GPC6: variants seen among roughly 807,000 people sequenced by gnomAD.
The protein encoded by GPC6 is glypican 6.
Under a neutral mutation model 55.2 loss-of-function variants are expected in GPC6, and 14 were observed. That is an observed-to-expected ratio of 0.25 (90% CI 0.17 to 0.40). GPC6 has a LOEUF of 0.40. GPC6 is among the 10% of genes least tolerant of loss of function. The pLI, the probability that GPC6 is intolerant of heterozygous loss-of-function variation, is 1.00. For synonymous variants in GPC6, 278 were observed against 259.6 expected (o/e 1.07, Z -0.68); for missense variants, 641 against 708.5 (o/e 0.90, Z 1.08).
intron 2 of GPC6, among the ~76,000 whole-genome samples, chr13:93,774,766 G>A (rs929081208): frequency 6.8e-4 from 104 of 152,288 alleles, no homozygotes; most frequent in African/African-American, 2.4e-3. Flanking sequence ...GAAAAAGACA[G>A]GGAAAGTATC....
intron 4 of GPC6, among the ~76,000 whole-genome samples, chr13:94,156,611 CT>C (rs1318469205): frequency 6.6e-6 from 1 of 152,130 alleles, no homozygotes; most frequent in African/African-American, 2.4e-5. Context: ...GCAAAGTCTT[CT>C]ATGAATACTT....
At chr13:93,578,754 G>T (rs1876795370) in intron 2 of GPC6, among the ~76,000 whole-genome samples, 1 of 150,208 alleles carries the variant, frequency 6.7e-6, no homozygotes, top group Non-Finnish European at 1.5e-5. Context: ...TGCTTTAATG[G>T]GTTCCTTGAG....
intron 4 of GPC6, among the ~76,000 whole-genome samples, chr13:94,162,449 T>C (rs980921422): frequency 6.6e-6 from 1 of 152,208 alleles, no homozygotes; most frequent in Non-Finnish European, 1.5e-5. Flanking sequence ...CATCTTTCTG[T>C]CTCAGAATGG....
At chr13:94,110,364 G>A (rs1041617354) in intron 4 of GPC6, among the ~76,000 whole-genome samples, 3 of 152,090 alleles carry the variant, frequency 2.0e-5, no homozygotes, top group African/African-American at 7.2e-5. Flanking sequence ...TTCCTAAACA[G>A]GGGACTAATA....
At chr13:94,039,271 C>T (rs747904210) in intron 4 of GPC6, among the ~76,000 whole-genome samples, 3 of 151,722 alleles carry the variant, frequency 2.0e-5, no homozygotes, top group African/African-American at 4.8e-5. Flanking sequence ...GTTTTTTTAT[C>T]CAGGGAATGT....
At chr13:93,857,243 T>C (rs537963633) in intron 3 of GPC6, among the ~76,000 whole-genome samples, 1 of 151,676 alleles carries the variant, frequency 6.6e-6, no homozygotes, top group South Asian at 2.1e-4. Flanking sequence ...AAAGAAAGTT[T>C]TCATGTAGAA....
intron 3 of GPC6, among the ~76,000 whole-genome samples, chr13:93,839,679 G>A (rs1048352090): frequency 1.3e-5 from 2 of 152,108 alleles, no homozygotes; most frequent in Non-Finnish European, 2.9e-5. Flanking sequence ...AAAGTTTGGA[G>A]GATTTCTCTT....
intron 1 of GPC6, among the ~76,000 whole-genome samples, chr13:93,393,117 TA>T (rs1371278740): frequency 2.6e-5 from 2 of 76,120 alleles, no homozygotes; most frequent in Admixed American, 2.7e-4. Flanking sequence ...GATATATATA[TA>T]TATATATATA....
At chr13:93,728,373 C>T (rs1201328553) in intron 2 of GPC6, among the ~76,000 whole-genome samples, 2 of 150,616 alleles carry the variant, frequency 1.3e-5, no homozygotes, top group Non-Finnish European at 3.0e-5. Flanking sequence ...TACCACCACG[C>T]CTGGCTAAAT....
chr13:94,344,480 G>C (rs1331242069), intron 6 of GPC6, among the ~76,000 whole-genome samples: 7 of 152,162 alleles, frequency 4.6e-5, no homozygotes, highest in Non-Finnish European at 5.9e-5. Context: ...TCTTTCCCCA[G>C]AATCTGGAAA....
intron 4 of GPC6, among the ~76,000 whole-genome samples, chr13:94,206,433 C>T (rs9589930): frequency 0.011 from 1,729 of 152,148 alleles, 32 homozygotes; most frequent in African/African-American, 0.039. Context: ...GTTTAATTTT[C>T]TATTAAGATT....
At chr13:93,632,972 A>G (rs1188498406) in intron 2 of GPC6, among the ~76,000 whole-genome samples, 2 of 152,134 alleles carry the variant, frequency 1.3e-5, no homozygotes, top group South Asian at 2.1e-4. Flanking sequence ...GTAGGGACAC[A>G]TTTTCTGGAT....
At chr13:93,302,329 A>T (rs192288350) in intron 1 of GPC6, among the ~76,000 whole-genome samples, 1 of 152,256 alleles carries the variant, frequency 6.6e-6, no homozygotes, top group East Asian at 1.9e-4. Flanking sequence ...TGGTCCATCT[A>T]TTTCTGGAAT....
At chr13:94,163,143 T>C (rs1179550714) in intron 4 of GPC6, among the ~76,000 whole-genome samples, 1 of 152,252 alleles carries the variant, frequency 6.6e-6, no homozygotes, top group East Asian at 1.9e-4. Flanking sequence ...TGTGCCAGTA[T>C]TGATGGGAGA....
At chr13:93,977,015 TAA>T (rs1167548398) in intron 3 of GPC6, among the ~76,000 whole-genome samples, 30 of 152,284 alleles carry the variant, frequency 2.0e-4, no homozygotes, top group Admixed American at 3.9e-4. Context: ...TGTTAAATTA[TAA>T]TAAGTGATGA....
intron 3 of GPC6, among the ~76,000 whole-genome samples, chr13:93,899,365 T>C (rs1184176181): frequency 1.3e-5 from 2 of 150,484 alleles, no homozygotes; most frequent in East Asian, 2.0e-4. Flanking sequence ...TAAGTTGGAG[T>C]GGTCAAAAAC....
At chr13:93,301,674 T>C (rs1878686322) in intron 1 of GPC6, among the ~76,000 whole-genome samples, 1 of 152,216 alleles carries the variant, frequency 6.6e-6, no homozygotes, top group Admixed American at 6.5e-5. Flanking sequence ...TTCTGTCATC[T>C]CTAGGAGGCA....
chr13:93,770,283 A>G (rs982425283), intron 2 of GPC6, among the ~76,000 whole-genome samples: 2 of 152,218 alleles, frequency 1.3e-5, no homozygotes, highest in Non-Finnish European at 2.9e-5. Flanking sequence ...TTAGAATTAA[A>G]TGAGATAAAA....
At chr13:93,991,506 A>G (rs1460269133) in intron 3 of GPC6, among the ~76,000 whole-genome samples, 2 of 152,200 alleles carry the variant, frequency 1.3e-5, no homozygotes, top group African/African-American at 4.8e-5. Context: ...CCAATTGTAT[A>G]TCAACAAATT....
Sources: gnomAD v4.1 joint callset for allele counts (sites outside exome capture counted in the v4.1 genomes callset) on GRCh38, gnomAD v4.1.1 for gene constraint, MANE v1.5 for transcripts, NCBI Gene and HGNC (gene_info 2026-07-23, HGNC 2026-07-21) for gene names.